Variants in CSMD1 observed in about 807,000 individuals in gnomAD.
The protein encoded by CSMD1 is CUB and Sushi multiple domains 1.
CSMD1 carries 213 observed loss-of-function variants against 417.5 expected under a neutral mutation model. That is an observed-to-expected ratio of 0.51 (90% CI 0.46 to 0.57). The LOEUF (loss-of-function observed/expected upper bound fraction) is 0.57. Ranked by LOEUF, CSMD1 falls within the 20% of genes least tolerant of loss-of-function variation. The pLI is 0.00. For synonymous variants in CSMD1, 2,862 were observed against 1,736.8 expected (o/e 1.65, Z -16.11); for missense variants, 6,923 against 4,529.7 (o/e 1.53, Z -15.17).
At chr8:4,066,169 A>T (rs913606947) in intron 3 of CSMD1, among the ~76,000 whole-genome samples, 2 of 152,204 alleles carry the variant, frequency 1.3e-5, no homozygotes, top group African/African-American at 4.8e-5. Flanking sequence ...TTATTTCTAA[A>T]GATTCACATT....
intron 1 of CSMD1, among the ~76,000 whole-genome samples, chr8:4,944,759 C>T (rs908074387): frequency 6.6e-6 from 1 of 151,500 alleles, no homozygotes; most frequent in Non-Finnish European, 1.5e-5. Context: ...CAACTGTTGG[C>T]GAGGATGTAA....
At chr8:4,450,221 G>C (rs929854948) in intron 2 of CSMD1, among the ~76,000 whole-genome samples, 1 of 152,186 alleles carries the variant, frequency 6.6e-6, no homozygotes, top group African/African-American at 2.4e-5. Flanking sequence ...CTATATGTGA[G>C]GGAGACTAAG....
intron 1 of CSMD1, among the ~76,000 whole-genome samples, chr8:4,904,043 G>A (rs910791882): frequency 6.6e-6 from 1 of 151,986 alleles, no homozygotes; most frequent in Non-Finnish European, 1.5e-5. Context: ...TGGAGGACTG[G>A]CATTAGTGTA....
At chr8:3,251,377 T>C (rs1800241961) in intron 26 of CSMD1, among the ~76,000 whole-genome samples, 1 of 152,178 alleles carries the variant, frequency 6.6e-6, no homozygotes, top group South Asian at 2.1e-4. Context: ...TAGTTGTAGA[T>C]ATGTGGCATT....
In CSMD1 at chr8:4,655,591, C is replaced by T. The variant is rs371823613; in HGVS notation, c.86-18033G>A. On this transcript the variant is annotated intron_variant, in intron 1 of 69. Coordinates refer to ENST00000635120, the MANE Select transcript of CSMD1 (RefSeq NM_033225.6). Reference sequence around the variant, plus strand: ...GTTGAATTACTTATTTTTCAAAAAACTTCTGTGTAAGTAACTTTATGGTAC... The same window carrying T: ...GTTGAATTACTTATTTTTCAAAAAATTTCTGTGTAAGTAACTTTATGGTAC... Among the ~76,000 whole-genome samples, 551 of 151,784 alleles carry T rather than the reference C, an allele frequency of 3.6e-3. 12 individuals are homozygous for T. In the South Asian group the frequency reaches 0.05, roughly 14 times the overall value.
intron 50 of CSMD1, among the ~76,000 whole-genome samples, chr8:3,040,387 AATAT>A (rs35722761): frequency 0.23 from 31,612 of 137,424 alleles, 3,844 homozygotes; most frequent in East Asian, 0.43. Flanking sequence ...TACACATTGA[AATAT>A]ATATATATAT....
At chr8:3,333,707 G>T (rs932646144) in intron 23 of CSMD1, among the ~76,000 whole-genome samples, 1 of 152,096 alleles carries the variant, frequency 6.6e-6, no homozygotes, top group African/African-American at 2.4e-5. Flanking sequence ...ACTTTCCCCT[G>T]GTTCTTAGCA....
chr8:3,926,090 C>CACAAACACCAT (rs1809672474), intron 5 of CSMD1, among the ~76,000 whole-genome samples: 1 of 41,594 alleles, frequency 2.4e-5, no homozygotes, highest in Non-Finnish European at 3.9e-5. Flanking sequence ...CATACACACA[C>CACAAACACCAT]ACACACACAC....
rs188679935 is a variant in CSMD1, at chr8:4,652,894, C to T, written c.86-15336G>A. Among the ~76,000 whole-genome samples, 240 of 151,402 alleles carry T rather than the reference C, an allele frequency of 1.6e-3. 2 individuals are homozygous for T. Among genetic ancestry groups the T allele is most frequent in the African/African-American group, 4.7e-3 (191 of 40,792 alleles). On this transcript the variant is annotated intron_variant, in intron 1 of 69. Transcript: ENST00000635120. ...GGTTCATGCTCCTGTAAGAATCTAA[C>T]GCCGCTGCTGATGTGGTGGGGTGGA... is the stretch of plus-strand genomic sequence containing the variant.
At chr8:3,610,212 TCCCA>T (rs1801822431) in intron 8 of CSMD1, among the ~76,000 whole-genome samples, 5 of 152,140 alleles carry the variant, frequency 3.3e-5, no homozygotes, top group Non-Finnish European at 7.3e-5. Context: ...GGTTTTACTA[TCCCA>T]TGGAACATAA....
chr8:4,434,808 C>T (rs1798062501), intron 2 of CSMD1, among the ~76,000 whole-genome samples: 2 of 152,134 alleles, frequency 1.3e-5, no homozygotes. Context: ...CCCATGAAGC[C>T]CTACTTCACC....
intron 1 of CSMD1, among the ~76,000 whole-genome samples, chr8:4,854,925 G>C (rs533444233): frequency 5.9e-5 from 9 of 152,308 alleles, no homozygotes; most frequent in Non-Finnish European, 1.0e-4. Flanking sequence ...GCTCAAGGAG[G>C]TCTGCCTGCC....
chr8:4,065,448 A>T (rs1429566567), intron 3 of CSMD1, among the ~76,000 whole-genome samples: 1 of 152,198 alleles, frequency 6.6e-6, no homozygotes, highest in Admixed American at 6.5e-5. Context: ...TATAATAGGA[A>T]ATTTGGCTTT....
chr8:4,607,608 C>G (rs561700993), intron 2 of CSMD1, among the ~76,000 whole-genome samples: 32 of 152,272 alleles, frequency 2.1e-4, no homozygotes, highest in African/African-American at 7.7e-4. Context: ...CCGCCAACAT[C>G]ATGAGAGTTC....
At chr8:4,274,310 G>C (rs954125374) in intron 3 of CSMD1, among the ~76,000 whole-genome samples, 1 of 152,040 alleles carries the variant, frequency 6.6e-6, no homozygotes, top group Non-Finnish European at 1.5e-5. Flanking sequence ...CACCCAACTG[G>C]CATACGTGGG....
chr8:4,425,117 G>C (rs1797471955), intron 2 of CSMD1, among the ~76,000 whole-genome samples: 1 of 151,958 alleles, frequency 6.6e-6, no homozygotes, highest in Admixed American at 6.6e-5. Context: ...ACAAAATAAT[G>C]TGATAGCACT....
intron 5 of CSMD1, among the ~76,000 whole-genome samples, chr8:3,810,629 G>T (rs747400040): frequency 3.9e-5 from 6 of 152,144 alleles, no homozygotes; most frequent in South Asian, 2.1e-4. Flanking sequence ...ATTATTGGGG[G>T]ACTGGAGTCT....
chr8:3,231,003 G>T (rs1360121391), intron 26 of CSMD1, among the ~76,000 whole-genome samples: 1 of 152,068 alleles, frequency 6.6e-6, no homozygotes, highest in Non-Finnish European at 1.5e-5. Flanking sequence ...AAAGTGCATT[G>T]CAAACGGCGA....
At chr8:4,196,923 A>G (rs1274000632) in intron 3 of CSMD1, among the ~76,000 whole-genome samples, 2 of 152,174 alleles carry the variant, frequency 1.3e-5, no homozygotes, top group Non-Finnish European at 2.9e-5. Flanking sequence ...GAGTTTGTTC[A>G]TGTTAAAATT....
Sources: allele counts gnomAD v4.1 joint callset (sites outside exome capture counted in the v4.1 genomes callset), GRCh38; gene constraint gnomAD v4.1.1; transcripts MANE v1.5; gene names NCBI Gene and HGNC (gene_info 2026-07-23, HGNC 2026-07-21).